Variants in IGSF10 observed in about 807,000 individuals in gnomAD.
The protein encoded by IGSF10 is immunoglobulin superfamily member 10.
Under a neutral mutation model 128.2 loss-of-function variants are expected in IGSF10, and 126 were observed. The ratio of observed to expected loss-of-function variants is 0.98; its 90% CI spans 0.85 to 1.14. The LOEUF is 1.14. IGSF10 is among the 50% of genes most tolerant of loss of function. The pLI is 0.00. For missense variants in IGSF10, 3,295 were observed against 3,149.8 expected, an observed-to-expected ratio of 1.05 and a Z score of -1.10; for synonymous variants, 1,185 against 1,146.2, an observed-to-expected ratio of 1.03 and a Z score of -0.68.
the IGSF10 span, among the ~76,000 whole-genome samples, chr3:151,520,847 C>T: frequency 1.1e-3 from 164 of 151,880 alleles, no homozygotes; most frequent in Non-Finnish European, 2.0e-3. Flanking sequence ...CCTGCTAATA[C>T]ACAATGACAG....
the IGSF10 span, among the ~76,000 whole-genome samples, chr3:151,576,635 A>G: frequency 6.6e-6 from 1 of 152,190 alleles, no homozygotes; most frequent in Admixed American, 6.5e-5. Flanking sequence ...AACTTCCCCA[A>G]ATCAAAATGA....
intron 4 of IGSF10, among the ~76,000 whole-genome samples, chr3:151,455,254 C>T (rs974094409): frequency 4.6e-5 from 7 of 151,672 alleles, no homozygotes; most frequent in African/African-American, 1.7e-4. Context: ...GGATTACAGG[C>T]ATGTGCCACC....
At chr3:151,531,245 CTT>C in the IGSF10 span, among the ~76,000 whole-genome samples, 1 of 152,104 alleles carries the variant, frequency 6.6e-6, no homozygotes, top group Non-Finnish European at 1.5e-5. Context: ...CAGTGGGAGA[CTT>C]TAACACCCCA....
At chr3:151,501,387 A>G in the IGSF10 span, among the ~76,000 whole-genome samples, 1 of 151,996 alleles carries the variant, frequency 6.6e-6, no homozygotes, top group African/African-American at 2.4e-5. Flanking sequence ...TCATCATAAC[A>G]TTTAACTTCC....
At chr3:151,455,939 C>T (rs1309840466) in intron 4 of IGSF10, among the ~76,000 whole-genome samples, 1 of 152,130 alleles carries the variant, frequency 6.6e-6, no homozygotes, top group Non-Finnish European at 1.5e-5. Flanking sequence ...TCATCTCTGT[C>T]GAGAATGCTT....
chr3:151,537,659 T>C, the IGSF10 span, among the ~76,000 whole-genome samples: 1 of 152,226 alleles, frequency 6.6e-6, no homozygotes, highest in African/African-American at 2.4e-5. Context: ...TGGCCTGTTA[T>C]TGACAAAGGC....
At chr3:151,475,304 G>T in the IGSF10 span, among the ~76,000 whole-genome samples, 37 of 152,314 alleles carry the variant, frequency 2.4e-4, no homozygotes, top group Admixed American at 2.0e-3. Context: ...CTTTTCGATT[G>T]TGAGAGAGAC....
At chr3:151,603,931 T>A in the IGSF10 span, among the ~76,000 whole-genome samples, 1 of 152,222 alleles carries the variant, frequency 6.6e-6, no homozygotes, top group African/African-American at 2.4e-5. Flanking sequence ...TGTCCTTTTT[T>A]CCTGGCCTGC....
At position 151,445,600 on chromosome 3, in the gene IGSF10, T is replaced by C. The variant is rs759619911; in HGVS notation, c.4381A>G (p.Thr1461Ala). 2 of 1,614,066 alleles carry C rather than the reference T, an allele frequency of 1.2e-6. No individual in the cohort carries two copies. The highest frequency in any genetic ancestry group is 2.7e-5 in the African/African-American group (2 of 74,920). ...TTRKAIIRHS[T>A]IPPFLSSSAT... ...CTGCTGCTCAAGAATGGTGGTATGGTTGAGTGTCTAATGATTGCTTTCCTA... is the reference window on the plus strand; with the variant it reads ...CTGCTGCTCAAGAATGGTGGTATGGCTGAGTGTCTAATGATTGCTTTCCTA... Residue 1461 changes from threonine (T) to alanine (A), a missense_variant, in exon 6 of 8, where the codon ACC (threonine) becomes GCC (alanine). Physicochemically the swap from Thr to Ala is moderately conservative, Grantham distance 58 (BLOSUM62 0). Coordinates refer to ENST00000282466, the MANE Select transcript of IGSF10 (RefSeq NM_178822.5).
the IGSF10 span, among the ~76,000 whole-genome samples, chr3:151,536,660 C>CA: frequency 3.3e-5 from 5 of 151,860 alleles, no homozygotes; most frequent in African/African-American, 9.7e-5. Context: ...AAATGTTCAC[C>CA]AAAAAAATGC....
At chr3:151,466,337 C>T in the IGSF10 span, among the ~76,000 whole-genome samples, 3 of 152,048 alleles carry the variant, frequency 2.0e-5, no homozygotes, top group Non-Finnish European at 4.4e-5. Flanking sequence ...ACTCCAGTAA[C>T]TTGTGTTTTG....
At chr3:151,615,962 A>T in the IGSF10 span, among the ~76,000 whole-genome samples, 2 of 130,134 alleles carry the variant, frequency 1.5e-5, no homozygotes, top group African/African-American at 5.9e-5. Flanking sequence ...TTGTTTTTTG[A>T]GGTTTTTTTT....
At chr3:151,494,314 T>C in the IGSF10 span, among the ~76,000 whole-genome samples, 1 of 151,980 alleles carries the variant, frequency 6.6e-6, no homozygotes, top group Non-Finnish European at 1.5e-5. Context: ...CTTCTAAATA[T>C]AACTAGAATT....
At chr3:151,434,610 G>A (rs1432061610), downstream of IGSF10, 1 of 152,164 alleles carries the variant, frequency 6.6e-6, no homozygotes, top group African/African-American at 2.4e-5. Flanking sequence ...AGCTAATGAA[G>A]TTGTTTTCTT....
intron 6 of IGSF10, 76 bp downstream of exon 6, chr3:151,444,843 T>A: frequency 7.4e-7 from 1 of 1,356,832 alleles, no homozygotes; most frequent in Non-Finnish European, 1.0e-6. Flanking sequence ...ATTCTTTGGA[T>A]GTTTAATCCC....
the IGSF10 span, among the ~76,000 whole-genome samples, chr3:151,536,090 A>G: frequency 6.6e-6 from 1 of 152,152 alleles, no homozygotes; most frequent in African/African-American, 2.4e-5. Flanking sequence ...CTGTCCCACC[A>G]TGGCTACTAG....
At chr3:151,553,658 C>T in the IGSF10 span, among the ~76,000 whole-genome samples, 350 of 151,238 alleles carry the variant, frequency 2.3e-3, 1 homozygote, top group African/African-American at 7.7e-3. Context: ...TATATATTTA[C>T]AATATATATG....
the IGSF10 span, among the ~76,000 whole-genome samples, chr3:151,470,012 A>G: frequency 1.1e-3 from 169 of 152,344 alleles, 2 homozygotes; most frequent in Middle Eastern, 0.014. Flanking sequence ...TTAGCATTCC[A>G]GTTTATAAAG....
the IGSF10 span, among the ~76,000 whole-genome samples, chr3:151,505,550 C>G: frequency 1.3e-5 from 2 of 152,122 alleles, no homozygotes; most frequent in South Asian, 4.2e-4. Flanking sequence ...CTTAGTTCCC[C>G]GAGAACGAAG....
Sources: allele counts gnomAD v4.1 joint callset (sites outside exome capture counted in the v4.1 genomes callset), GRCh38; gene constraint gnomAD v4.1.1; transcripts MANE v1.5; gene names NCBI Gene and HGNC (gene_info 2026-07-23, HGNC 2026-07-21).